The following RSRC1 variants were observed in gnomAD, a reference collection of about 807,000 sequenced individuals.
RSRC1 encodes the protein arginine and serine rich coiled-coil 1, also known as serine/Arginine-related protein 53.
Under a neutral mutation model 49.1 loss-of-function variants are expected in RSRC1, and 39 were observed. That is an observed-to-expected ratio of 0.79 (90% confidence interval 0.61 to 1.04). The LOEUF (loss-of-function observed/expected upper bound fraction) is 1.04. Among genes scored for constraint, RSRC1 ranks in the 50% least tolerant of loss-of-function variants. The pLI, the probability that RSRC1 is intolerant of heterozygous loss-of-function variation, is 0.00. For synonymous variants in RSRC1, 143 were observed against 130.8 expected, an observed-to-expected ratio of 1.09 and a Z score of -0.63; for missense variants, 388 against 402.4, an observed-to-expected ratio of 0.96 and a Z score of 0.31.
chr3:158,457,736 T>TTTG (rs373333455), intron 6 of RSRC1, among the ~76,000 whole-genome samples: 13 of 73,628 alleles, frequency 1.8e-4, no homozygotes, highest in South Asian at 6.3e-4. Flanking sequence ...TTGTGTTTTT[T>TTTG]TTTGTTTTTT....
At chr3:158,243,031 G>A (rs1281333220) in intron 4 of RSRC1, among the ~76,000 whole-genome samples, 5 of 151,988 alleles carry the variant, frequency 3.3e-5, no homozygotes, top group South Asian at 4.1e-4. Flanking sequence ...TTTCTTTTGC[G>A]TGGAGAAGCT....
At chr3:158,416,669 T>C (rs1734752492) in intron 6 of RSRC1, among the ~76,000 whole-genome samples, 1 of 152,066 alleles carries the variant, frequency 6.6e-6, no homozygotes, top group East Asian at 1.9e-4. Context: ...CAAGCTTCCC[T>C]GGCCAGCCCC....
chr3:158,495,996 CAT>C (rs1439661143), intron 7 of RSRC1, among the ~76,000 whole-genome samples: 1 of 152,150 alleles, frequency 6.6e-6, no homozygotes, highest in African/African-American at 2.4e-5. Context: ...TACATACACA[CAT>C]ATGTTATATA....
intron 4 of RSRC1, among the ~76,000 whole-genome samples, chr3:158,211,631 A>G (rs553856545): frequency 3.3e-5 from 5 of 151,976 alleles, no homozygotes; most frequent in South Asian, 4.1e-4. Context: ...CCTAGACAAT[A>G]TACCCGGTAG....
intron 7 of RSRC1, among the ~76,000 whole-genome samples, chr3:158,489,360 A>G (rs1738969909): frequency 6.6e-6 from 1 of 152,206 alleles, no homozygotes; most frequent in African/African-American, 2.4e-5. Flanking sequence ...CCACATGAGC[A>G]TGTGCTGCTT....
chr3:158,247,205 C>A (rs1458328621), intron 4 of RSRC1, among the ~76,000 whole-genome samples: 1 of 152,154 alleles, frequency 6.6e-6, no homozygotes. Context: ...TGAGGTTATA[C>A]TGTGTTTTTC....
At chr3:158,317,349 C>T (rs1170892860) in intron 5 of RSRC1, among the ~76,000 whole-genome samples, 1 of 152,124 alleles carries the variant, frequency 6.6e-6, no homozygotes, top group Non-Finnish European at 1.5e-5. Context: ...CTACCTCAGC[C>T]TCCTGAGTAG....
rs1198450713 is a variant in RSRC1, at chr3:158,445,775, T to C, written c.584-15160T>C. ...AACAGGCCAATGATTATTAATAGAC[T>C]ATATTCTTTGATCCTTATGAAATTA... On this transcript the variant is annotated intron_variant, in intron 6 of 9. Transcript: ENST00000611884. 2.0e-5 allele frequency among the ~76,000 whole-genome samples: 3 copies of C among 152,216 alleles called. No homozygotes were observed. The East Asian group carries it at 5.8e-4, about 29-fold the overall frequency.
At chr3:158,380,633 A>G (rs902469908) in intron 6 of RSRC1, among the ~76,000 whole-genome samples, 1 of 152,022 alleles carries the variant, frequency 6.6e-6, no homozygotes, top group African/African-American at 2.4e-5. Context: ...ATAGTTTGGT[A>G]TATATTTTAT....
At chr3:158,321,387 T>C (rs890061090) in intron 5 of RSRC1, among the ~76,000 whole-genome samples, 1 of 152,048 alleles carries the variant, frequency 6.6e-6, no homozygotes, top group African/African-American at 2.4e-5. Context: ...AGAATATGGA[T>C]TTGATGTATA....
chr3:158,324,757 A>T (rs554500753), intron 5 of RSRC1, among the ~76,000 whole-genome samples: 1 of 152,192 alleles, frequency 6.6e-6, no homozygotes, highest in Admixed American at 6.5e-5. Flanking sequence ...CAGTAATGAG[A>T]TGGCTAGGTC....
chr3:158,116,006 G>C (rs994057169), intron 1 of RSRC1, among the ~76,000 whole-genome samples: 1 of 152,152 alleles, frequency 6.6e-6, no homozygotes, highest in African/African-American at 2.4e-5. Flanking sequence ...GTGACATTTT[G>C]CATTGGCCAT....
At chr3:158,388,582 A>G (rs1733086361) in intron 6 of RSRC1, among the ~76,000 whole-genome samples, 1 of 149,454 alleles carries the variant, frequency 6.7e-6, no homozygotes. Context: ...TTTACCAGGC[A>G]TTTGGGGAGC....
rs758567065 is a variant in RSRC1 at position 158,203,169 on chromosome 3, A to G, written c.418A>G (p.Lys140Glu). ...TCGGTCTCGGGATAGAGAACGACGT[A>G]AGGGCAGAGATAAAGAGAAAAGAGA... ...RSRSRDRERR[K>E]GRDKEKREKE... Residue 140 changes from lysine to glutamate, a missense_variant, in exon 4 of 10, where the codon AAG becomes GAG. Lys to Glu is a moderately conservative substitution (Grantham distance 56, BLOSUM62 1). Transcript: ENST00000611884. 4 of 1,613,412 alleles carry G rather than the reference A, an allele frequency of 2.5e-6. No homozygotes were observed. The East Asian group carries it at 6.7e-5, about 27-fold the overall frequency.
At chr3:158,222,678 T>C (rs4536777) in intron 4 of RSRC1, among the ~76,000 whole-genome samples, 11,673 of 151,656 alleles carry the variant, frequency 0.077, 548 homozygotes, top group South Asian at 0.13. Context: ...CCATTAAATA[T>C]ACCACTTTTT....
At chr3:158,407,527 C>T (rs1309437244) in intron 6 of RSRC1, among the ~76,000 whole-genome samples, 1 of 152,048 alleles carries the variant, frequency 6.6e-6, no homozygotes, top group African/African-American at 2.4e-5. Flanking sequence ...TTAAGATTTG[C>T]CTCACAACTT....
intron 6 of RSRC1, among the ~76,000 whole-genome samples, chr3:158,453,238 C>CTGACA: frequency 2.0e-5 from 3 of 151,522 alleles, no homozygotes; most frequent in African/African-American, 7.3e-5. Flanking sequence ...CTTGTGCACA[C>CTGACA]ATTTTCAAAC....
chr3:158,377,401 A>T (rs879791722), intron 6 of RSRC1, among the ~76,000 whole-genome samples: 3 of 152,076 alleles, frequency 2.0e-5, no homozygotes, highest in Admixed American at 6.6e-5. Flanking sequence ...GGGAGTGGAT[A>T]CCTTATGAAT....
At chr3:158,392,256 T>G (rs1560023060) in intron 6 of RSRC1, among the ~76,000 whole-genome samples, 1 of 152,146 alleles carries the variant, frequency 6.6e-6, no homozygotes. Context: ...CTACTGTGGC[T>G]ATGAGAATAA....
Sources: gnomAD v4.1 joint callset for allele counts (sites outside exome capture counted in the v4.1 genomes callset) on GRCh38, gnomAD v4.1.1 for gene constraint, MANE v1.5 for transcripts, NCBI Gene and HGNC (gene_info 2026-07-23, HGNC 2026-07-21) for gene names.